FGD6: variants seen among roughly 807,000 people sequenced by gnomAD.
FGD6 encodes FYVE, RhoGEF and PH domain containing 6.
In FGD6, 90 loss-of-function variants were observed where a neutral mutation model predicts 149.4. The ratio of observed to expected loss-of-function variants is 0.60; its 90% CI spans 0.51 to 0.72. FGD6 has a LOEUF of 0.72. FGD6 is among the 30% of genes least tolerant of loss of function. The pLI is 0.00. For missense variants in FGD6, 1,437 were observed against 1,684.8 expected, an observed-to-expected ratio of 0.85 and a Z score of 2.57; for synonymous variants, 527 against 584.0, an observed-to-expected ratio of 0.90 and a Z score of 1.41.
At chr12:95,099,065 C>A (rs975819286) in intron 14 of FGD6, among the ~76,000 whole-genome samples, 8 of 152,010 alleles carry the variant, frequency 5.3e-5, no homozygotes, top group African/African-American at 1.9e-4. Context: ...AAATATTAAA[C>A]GGGGTTTCAC....
intron 7 of FGD6, among the ~76,000 whole-genome samples, chr12:95,136,399 C>T (rs1034712423): frequency 6.6e-6 from 1 of 152,062 alleles, no homozygotes; most frequent in African/African-American, 2.4e-5. Flanking sequence ...CAAAAAAAAC[C>T]CTTTTCACTT....
intron 6 of FGD6, among the ~76,000 whole-genome samples, chr12:95,139,741 C>T (rs776188937): frequency 7.3e-5 from 11 of 151,630 alleles, no homozygotes; most frequent in Non-Finnish European, 1.3e-4. Flanking sequence ...CTGCAGCCTC[C>T]GCCTCCCAGT....
At position 95,136,742 on chromosome 12, in the gene FGD6, TTAA is replaced by T. The variant is rs201076279; in HGVS notation, c.2994+777_2994+779del. The stretch of plus-strand genomic sequence containing the variant: ...TAAATTAAAAGTTAAGACATGTTCC[TTAA>T]TCAAGTTCATTGAGTCAGAAAGCAG... On this transcript the variant is annotated intron_variant, in intron 7 of 20. Coordinates refer to ENST00000343958, the MANE Select transcript of FGD6 (RefSeq NM_018351.4). Among the ~76,000 whole-genome samples the T allele has an allele frequency of 4.6e-3, 694 of 152,340 alleles. 7 individuals are homozygous for T. Among genetic ancestry groups the T allele is most frequent in the African/African-American group, 0.016 (655 of 41,592 alleles).
intron 2 of FGD6, among the ~76,000 whole-genome samples, chr12:95,184,709 G>T (rs1040456727): frequency 1.6e-4 from 25 of 151,786 alleles, no homozygotes; most frequent in African/African-American, 5.8e-4. Context: ...AGCCTCCTGA[G>T]TAGCTGGGAT....
intron 8 of FGD6, among the ~76,000 whole-genome samples, chr12:95,120,001 C>T (rs1034367912): frequency 3.9e-4 from 59 of 151,476 alleles, no homozygotes; most frequent in African/African-American, 1.3e-3. Flanking sequence ...GAGGCTGAGG[C>T]GGGAGGATCA....
intron 14 of FGD6, chr12:95,100,921 G>A (rs1230749201): frequency 2.7e-6 from 1 of 368,524 alleles, no homozygotes; most frequent in Non-Finnish European, 5.3e-6. Context: ...CTCCTGACAA[G>A]AAACTGAAGC....
chr12:95,192,630 G>C (rs1881623690), intron 2 of FGD6, among the ~76,000 whole-genome samples: 1 of 152,118 alleles, frequency 6.6e-6, no homozygotes, highest in Non-Finnish European at 1.5e-5. Context: ...AAGCAAACAA[G>C]TAGATAATAT....
Position 95,217,209 on chromosome 12 carries a change from G to A in FGD6, c.16+16C>T. On this transcript the variant is annotated intron_variant, in intron 1 of 20. Coordinates refer to ENST00000343958, the MANE Select transcript of FGD6 (RefSeq NM_018351.4). ...GCCACAAACTTTCCCGCGGCAGCGC[G>A]AGCGCCGTCACTTACCGGCTGCAGA... 6.2e-7 allele frequency: 1 copy of A among 1,612,468 alleles called. No individual in the cohort carries two copies. Among genetic ancestry groups the A allele is most frequent in the Non-Finnish European group, 8.5e-7 (1 of 1,178,968 alleles).
chr12:95,185,738 G>A (rs1305304399), intron 2 of FGD6, among the ~76,000 whole-genome samples: 9 of 152,104 alleles, frequency 5.9e-5, no homozygotes, highest in East Asian at 1.9e-4. Flanking sequence ...GTGCGCACCT[G>A]TAATCCCGGC....
At chr12:95,174,478 C>T (rs1193457728) in intron 2 of FGD6, among the ~76,000 whole-genome samples, 1 of 152,168 alleles carries the variant, frequency 6.6e-6, no homozygotes, top group Non-Finnish European at 1.5e-5. Context: ...CCACAACCCA[C>T]CGAATCAGGA....
chr12:95,105,713 A>T (rs1400664915), intron 13 of FGD6, among the ~76,000 whole-genome samples: 3 of 151,862 alleles, frequency 2.0e-5, no homozygotes, highest in Admixed American at 2.0e-4. Flanking sequence ...ACAAATGACT[A>T]CATGAATGAA....
chr12:95,205,485 T>C (rs1037675416), intron 2 of FGD6, among the ~76,000 whole-genome samples: 3 of 152,322 alleles, frequency 2.0e-5, no homozygotes, highest in Admixed American at 2.0e-4. Context: ...GACACCCTTG[T>C]GATGACCCCA....
At chr12:95,107,198 G>GT (rs11459263) in intron 12 of FGD6, among the ~76,000 whole-genome samples, 161 bp from the exon 13 acceptor site, 96,054 of 152,032 alleles carry the variant, frequency 0.63, 30,602 homozygotes, top group East Asian at 0.68. Flanking sequence ...TACCCAGAAT[G>GT]TTTATTAGAA....
chr12:95,137,015 C>T (rs1382599381), intron 7 of FGD6, among the ~76,000 whole-genome samples: 1 of 152,266 alleles, frequency 6.6e-6, no homozygotes, highest in East Asian at 1.9e-4. Flanking sequence ...CAGTGGCTCA[C>T]GCCTGTAATC....
At chr12:95,150,377 T>C (rs975538680) in intron 5 of FGD6, among the ~76,000 whole-genome samples, 7 of 147,034 alleles carry the variant, frequency 4.8e-5, no homozygotes, top group African/African-American at 1.8e-4. Context: ...AATATTTTTA[T>C]TGAGATATTT....
intron 8 of FGD6, among the ~76,000 whole-genome samples, chr12:95,123,913 C>CT (rs796783011): frequency 2.9e-4 from 42 of 145,276 alleles, no homozygotes; most frequent in South Asian, 6.6e-4. Flanking sequence ...TTCTTTCTTC[C>CT]TTTTTTTTTT....
chr12:95,151,869 A>G (rs1177497227), intron 5 of FGD6, among the ~76,000 whole-genome samples: 1 of 152,120 alleles, frequency 6.6e-6, no homozygotes, highest in African/African-American at 2.4e-5. Context: ...TTAAGTCTTA[A>G]TATCTTGCCT....
intron 3 of FGD6, among the ~76,000 whole-genome samples, chr12:95,159,924 T>G (rs1880586986): frequency 6.6e-6 from 1 of 152,076 alleles, no homozygotes; most frequent in Non-Finnish European, 1.5e-5. Flanking sequence ...GGAGGATCAC[T>G]TGAGCCCAGG....
intron 5 of FGD6, among the ~76,000 whole-genome samples, chr12:95,148,549 ATATTATATAT>A (rs1159271850): frequency 3.5e-5 from 3 of 84,866 alleles, no homozygotes; most frequent in African/African-American, 3.9e-5. Flanking sequence ...AGCATATATT[ATATTATATAT>A]TATATATTAT....
Sources: gnomAD v4.1 joint callset for allele counts (sites outside exome capture counted in the v4.1 genomes callset) on GRCh38, gnomAD v4.1.1 for gene constraint, MANE v1.5 for transcripts, NCBI Gene and HGNC (gene_info 2026-07-23, HGNC 2026-07-21) for gene names.